ZNF77: variants seen among roughly 807,000 people sequenced by gnomAD.
ZNF77 encodes the protein zinc finger protein 77.
A neutral mutation model predicts 13.5 loss-of-function variants in ZNF77; 15 were observed. That is an observed-to-expected ratio of 1.11 (90% confidence interval 0.74 to 1.71). The LOEUF is 1.71. Ranked by LOEUF, ZNF77 falls within the 40% of genes most tolerant of loss-of-function variation. ZNF77 has a pLI of 0.00. For synonymous variants in ZNF77, 282 were observed against 250.0 expected (o/e 1.13, Z -1.21); for missense variants, 717 against 676.4 (o/e 1.06, Z -0.67).
At position 2,933,605 on chromosome 19, in the gene ZNF77, G is replaced by A. The variant is rs553602761; in HGVS notation, c.1522C>T (p.Arg508Cys). 51 of 1,596,468 alleles carry A rather than the reference G, an allele frequency of 3.2e-5. No individual in the cohort carries two copies. The highest frequency in any genetic ancestry group is 2.9e-4 in the Admixed American group (17 of 58,556). ...GKAYSCSSSL[R>C]VHVRTHTGER... ...CCAGTGTGCGTTCTCACGTGCACAC[G>A]AAGGGACGAGGAACAACTGTAGGCT... Residue 508 changes from arginine to cysteine, a missense_variant, in exon 4 of 4, where the codon CGT becomes TGT. Arg to Cys is a radical substitution (Grantham distance 180). Transcript: ENST00000314531.
At chr19:2,940,423 C>T (rs2144967768) in intron 1 of ZNF77, among the ~76,000 whole-genome samples, 1 of 151,816 alleles carries the variant, frequency 6.6e-6, no homozygotes, top group South Asian at 2.1e-4. Flanking sequence ...GCCTATAATC[C>T]TAGCATTTTG....
At chr19:2,939,653 G>A (rs900775401) in intron 1 of ZNF77, 1 of 489,646 alleles carries the variant, frequency 2.0e-6, no homozygotes, top group African/African-American at 1.9e-5. Context: ...GCAGGTATGA[G>A]GGTGGGGAAA....
rs560203335 is a variant in ZNF77 at position 2,934,163 on chromosome 19, T to G, written c.964A>C (p.Lys322Gln). The G allele has an allele frequency of 6.2e-6, 10 of 1,614,160 alleles. No homozygotes were observed. In the African/African-American group the frequency reaches 1.2e-4, roughly 19 times the overall value. ...CCGCAATGTTTACACTGACAGGGTT[T>G]CTCTCCAGTGTGCGTCCTCACGTGA... ...RDHVRTHTGEKPCQCKHCGKA... is the reference protein window; with the variant it reads ...RDHVRTHTGEQPCQCKHCGKA... The change falls in exon 4 of 4, where the codon AAA (lysine) becomes CAA (glutamine). Residue 322 changes from lysine (K) to glutamine (Q), a missense_variant. By Grantham distance (53) the Lys-to-Gln change is moderately conservative. Transcript: ENST00000314531.
rs370856215 is a variant in ZNF77, at chr19:2,933,763, A to G, written c.1364T>C (p.Val455Ala). Residue 455 changes from valine (V) to alanine (A), a missense_variant, in exon 4 of 4, where the codon GTG becomes GCG. Transcript: ENST00000314531. ...CGGTTTCTCTCCGCTGTGGGTTCGC[A>G]CATGCTCTCGAAGGGAGGAGTGACA... ...FSCHSSLREH[V>A]RTHSGEKPYE... 13 of 1,613,056 alleles carry G rather than the reference A, an allele frequency of 8.1e-6. No homozygotes were observed. Among genetic ancestry groups the G allele is most frequent in the African/African-American group, 1.3e-5 (1 of 74,920 alleles).
Position 2,939,322 on chromosome 19 carries a change from C to G in ZNF77, c.89G>C (p.Arg30Thr). ...CCTGCAGGTCTCCAGCATCACATCTCTGTAGAGGCTCCTCTGAGCATGATC... is the reference window on the plus strand; with the variant it reads ...CCTGCAGGTCTCCAGCATCACATCTGTGTAGAGGCTCCTCTGAGCATGATC... ...LLDHAQRSLY[R>T]DVMLETCRNL... Residue 30 changes from arginine to threonine, a missense_variant, in exon 2 of 4, where the codon AGA (arginine) becomes ACA (threonine). By Grantham distance (71) the Arg-to-Thr change is moderately conservative (BLOSUM62 -1). Coordinates refer to ENST00000314531, the MANE Select transcript of ZNF77 (RefSeq NM_021217.3). 6.2e-7 allele frequency: 1 copy of G among 1,614,208 alleles called. No homozygotes were observed. Among genetic ancestry groups the G allele is most frequent in the South Asian group, 1.1e-5 (1 of 91,092 alleles).
At position 2,934,526 on chromosome 19, in the gene ZNF77, T is replaced by A; in HGVS notation, c.601A>T (p.Thr201Ser). ...TTACTGCTGAGACTTTTCACGTATGTCACAGATGCTGTCCTTGAGTCCTGG... is the reference window on the plus strand; with the variant it reads ...TTACTGCTGAGACTTTTCACGTATGACACAGATGCTGTCCTTGAGTCCTGG... ...NCQDSRTASVTYVKSLSSKKS... is the reference protein window; with the variant it reads ...NCQDSRTASVSYVKSLSSKKS... The change falls in exon 4 of 4, where the codon ACA becomes TCA. Residue 201 changes from threonine (T) to serine (S), a missense_variant. Coordinates refer to ENST00000314531, the MANE Select transcript of ZNF77 (RefSeq NM_021217.3). 1 of 1,614,242 alleles carries A rather than the reference T, an allele frequency of 6.2e-7. No homozygotes were observed. The highest frequency in any genetic ancestry group is 8.5e-7 in the Non-Finnish European group (1 of 1,180,046).
In ZNF77 at chr19:2,933,538, C is replaced by G. The variant is rs1261940478; in HGVS notation, c.1589G>C (p.Arg530Thr). The G allele has an allele frequency of 1.2e-6, 2 of 1,606,418 alleles. No individual in the cohort carries two copies. The highest frequency in any genetic ancestry group is 1.7e-6 in the Non-Finnish European group (2 of 1,174,802). ...YECKQCGKTF[R>T]YLASLQAHVR... ...ATGTGCTTGAAGCGATGCGAGATAC[C>G]TGAAGGTTTTCCCACACTGCTTGCA... Residue 530 changes from arginine to threonine, a missense_variant, in exon 4 of 4, where the codon AGG (arginine) becomes ACG (threonine). Transcript: ENST00000314531.
chr19:2,944,141 C>T (rs1412028436), intron 1 of ZNF77, among the ~76,000 whole-genome samples: 2 of 151,494 alleles, frequency 1.3e-5, no homozygotes, highest in African/African-American at 4.9e-5. Context: ...CTGACTGCCT[C>T]TACTGTCCCC....
chr19:2,937,197 A>G (rs924541243), intron 2 of ZNF77, among the ~76,000 whole-genome samples: 8 of 152,056 alleles, frequency 5.3e-5, no homozygotes, highest in Admixed American at 5.2e-4. Context: ...TCAAAAAAAG[A>G]ATAGTGCTGG....
In ZNF77 at chr19:2,934,428, A is replaced by G. The variant is rs763881771; in HGVS notation, c.699T>C (p.Ser233=). The change falls in exon 4 of 4, where the codon AGT becomes AGC. Residue 233 remains serine (S), a synonymous_variant. Transcript: ENST00000314531. ...ATGCATGGGTTTTCTGCCCATGATG[A>G]CTATTCACATGTCCCCTGAAAGATG... The part of the protein sequence containing the change: ...CPSSFRGHVN[S]HHGQKTHACK... The G allele has an allele frequency of 6.2e-7, 1 of 1,614,218 alleles. No individual in the cohort carries two copies. The highest frequency in any genetic ancestry group is 2.2e-5 in the East Asian group (1 of 44,884).
chr19:2,942,792 T>A (rs2088461927), intron 1 of ZNF77, among the ~76,000 whole-genome samples: 1 of 151,906 alleles, frequency 6.6e-6, no homozygotes, highest in African/African-American at 2.4e-5. Context: ...TTCTTTGTCA[T>A]CAGAAATGAT....
At position 2,933,971 on chromosome 19, in the gene ZNF77, C is replaced by T. The variant is rs753418407; in HGVS notation, c.1156G>A (p.Gly386Arg). 6.8e-6 allele frequency: 11 copies of T among 1,614,182 alleles called. No individual in the cohort carries two copies. The highest frequency in any genetic ancestry group is 9.3e-6 in the Non-Finnish European group (11 of 1,180,036). The change falls in exon 4 of 4, where the codon GGG (glycine) becomes AGG (arginine). Residue 386 changes from glycine (G) to arginine (R), a missense_variant. Physicochemically the swap from Gly to Arg is moderately radical, Grantham distance 125. Transcript: ENST00000314531. ...TAAGTGGGACATCCGAAGGCCTTCC[C>T]ACACTGCTTGCACACATAGGGCTTC... ...GEKPYVCKQCGKAFGCPTYFR... is the reference protein window; with the variant it reads ...GEKPYVCKQCRKAFGCPTYFR...
At chr19:2,941,714 T>C (rs1370746612) in intron 1 of ZNF77, among the ~76,000 whole-genome samples, 1 of 152,192 alleles carries the variant, frequency 6.6e-6, no homozygotes, top group East Asian at 1.9e-4. Flanking sequence ...TTGCCGCTTC[T>C]CTGTACTGTG....
intron 3 of ZNF77, among the ~76,000 whole-genome samples, chr19:2,935,176 G>A (rs1295271302): frequency 2.9e-5 from 4 of 136,128 alleles, no homozygotes; most frequent in South Asian, 2.4e-4. Context: ...CTGCCACCAC[G>A]CCTGGCTAAT....
chr19:2,944,960 G>A lies in ZNF77; in HGVS notation c.-120C>T. 5 of 1,312,604 alleles carry A rather than the reference G, an allele frequency of 3.8e-6. No individual in the cohort carries two copies. The highest frequency in any genetic ancestry group is 2.0e-6 in the Non-Finnish European group (2 of 992,312). The allele number at this position is 1,312,604 out of a possible 1,614,324, so 81.3% of individuals were successfully genotyped here. ...GGCGGGGAAGCGCGCAAGGCAGAGG[G>A]GAACTCGGCTTACCGTCCTCGGGGT... On this transcript the variant is annotated 5_prime_UTR_variant, in exon 1 of 4. Coordinates refer to ENST00000314531, the MANE Select transcript of ZNF77 (RefSeq NM_021217.3).
intron 1 of ZNF77, among the ~76,000 whole-genome samples, chr19:2,942,088 T>C (rs74483661): frequency 6.6e-6 from 1 of 151,880 alleles, no homozygotes; most frequent in Non-Finnish European, 1.5e-5. Context: ...TTTTTTTTTT[T>C]TGAGACAGGG....
chr19:2,943,687 C>G (rs1197856399), intron 1 of ZNF77, among the ~76,000 whole-genome samples: 1 of 126,146 alleles, frequency 7.9e-6, no homozygotes, highest in African/African-American at 2.9e-5. Context: ...CCTTCTCTAG[C>G]CAGGATTTTT....
chr19:2,943,916 T>A (rs1201775769), intron 1 of ZNF77, among the ~76,000 whole-genome samples: 1 of 151,512 alleles, frequency 6.6e-6, no homozygotes, highest in Non-Finnish European at 1.5e-5. Flanking sequence ...CGCCATGTTG[T>A]CCAGGCTGGT....
At position 2,938,476 on chromosome 19, in the gene ZNF77, T is replaced by C. The variant is rs114876698; in HGVS notation, c.130+805A>G. Among the ~76,000 whole-genome samples the C allele has an allele frequency of 3.6e-3, 543 of 152,328 alleles. 3 individuals are homozygous for C. Among genetic ancestry groups the C allele is most frequent in the African/African-American group, 0.012 (505 of 41,578 alleles). On this transcript the variant is annotated intron_variant, in intron 2 of 3. Coordinates refer to ENST00000314531, the MANE Select transcript of ZNF77 (RefSeq NM_021217.3). ...TTTGTTGCCCCAACGTGACACAGAA[T>C]ACTCTACTCAGACTTATAAAATGTG...
Sources: allele counts gnomAD v4.1 joint callset (sites outside exome capture counted in the v4.1 genomes callset), GRCh38; gene constraint gnomAD v4.1.1; transcripts MANE v1.5; gene names NCBI Gene and HGNC (gene_info 2026-07-23, HGNC 2026-07-21).